The following ARHGEF28 variants were observed in gnomAD, a reference collection of about 807,000 sequenced individuals.
The protein encoded by ARHGEF28 is Rho guanine nucleotide exchange factor 28, also known as 190 kDa guanine nucleotide exchange factor.
In ARHGEF28, 152 loss-of-function variants were observed where a neutral mutation model predicts 206.6. That is an observed-to-expected ratio of 0.74 (90% confidence interval 0.64 to 0.84). The LOEUF (loss-of-function observed/expected upper bound fraction) is 0.84, where lower values mean the gene tolerates loss of function less well. Among genes scored for constraint, ARHGEF28 ranks in the 40% least tolerant of loss-of-function variants. The pLI, the probability that ARHGEF28 is intolerant of heterozygous loss-of-function variation, is 0.00. For synonymous variants in ARHGEF28, 763 were observed against 776.4 expected (o/e 0.98, Z 0.29); for missense variants, 2,028 against 2,073.2 (o/e 0.98, Z 0.42).
intron 2 of ARHGEF28, among the ~76,000 whole-genome samples, chr5:73,724,936 G>A (rs992982699): frequency 6.6e-6 from 1 of 152,054 alleles, no homozygotes; most frequent in African/African-American, 2.4e-5. Context: ...AGGTCGTATG[G>A]TAAGTTTATA....
At chr5:73,760,810 T>G (rs1236728093) in intron 4 of ARHGEF28, among the ~76,000 whole-genome samples, 1 of 152,244 alleles carries the variant, frequency 6.6e-6, no homozygotes, top group Admixed American at 6.5e-5. Context: ...AATTCATTTT[T>G]CAGTTTAAGT....
At chr5:73,748,318 A>G (rs971106892) in intron 2 of ARHGEF28, among the ~76,000 whole-genome samples, 3 of 151,348 alleles carry the variant, frequency 2.0e-5, no homozygotes, top group Non-Finnish European at 4.4e-5. Flanking sequence ...ATGCAGAAAA[A>G]GGGCAATTCA....
At chr5:73,840,177 C>T (rs561770828) in intron 10 of ARHGEF28, among the ~76,000 whole-genome samples, 1 of 152,114 alleles carries the variant, frequency 6.6e-6, no homozygotes, top group Non-Finnish European at 1.5e-5. Flanking sequence ...AGTGCACTGG[C>T]GCAATCGCTA....
chr5:73,796,733 C>T (rs895515488), intron 9 of ARHGEF28, among the ~76,000 whole-genome samples: 3 of 152,086 alleles, frequency 2.0e-5, no homozygotes, highest in African/African-American at 7.2e-5. Context: ...AATATTTTTG[C>T]TATTTAAGGT....
chr5:73,792,640 T>TTC (rs1754548084), intron 7 of ARHGEF28, among the ~76,000 whole-genome samples: 2 of 124,482 alleles, frequency 1.6e-5, no homozygotes, highest in South Asian at 6.0e-4. Flanking sequence ...TATCCTTCCC[T>TTC]TCTTTTTTTT....
At chr5:73,935,466 T>C (rs1764367409) in intron 35 of ARHGEF28, among the ~76,000 whole-genome samples, 1 of 152,210 alleles carries the variant, frequency 6.6e-6, no homozygotes, top group Non-Finnish European at 1.5e-5. Flanking sequence ...ACAAAATTAT[T>C]AGGGACACAG....
At chr5:73,737,493 T>G (rs1410344673) in intron 2 of ARHGEF28, among the ~76,000 whole-genome samples, 1 of 131,744 alleles carries the variant, frequency 7.6e-6, no homozygotes, top group Non-Finnish European at 1.5e-5. Context: ...TTTTCTTTTC[T>G]TTTCTTTTCT....
At chr5:73,647,408 G>A (rs1744500904) in intron 1 of ARHGEF28, among the ~76,000 whole-genome samples, 1 of 152,136 alleles carries the variant, frequency 6.6e-6, no homozygotes, top group Non-Finnish European at 1.5e-5. Context: ...TACTCAATCT[G>A]TGTTAGTCTC....
intron 2 of ARHGEF28, among the ~76,000 whole-genome samples, chr5:73,711,439 G>A (rs1749239609): frequency 6.6e-6 from 1 of 152,060 alleles, no homozygotes; most frequent in Non-Finnish European, 1.5e-5. Context: ...TAAAAATATT[G>A]AGGCTTGTGG....
At chr5:73,920,019 A>G (rs1561195928) in intron 35 of ARHGEF28, among the ~76,000 whole-genome samples, 1 of 152,206 alleles carries the variant, frequency 6.6e-6, no homozygotes, top group Admixed American at 6.5e-5. Flanking sequence ...AACATTTATG[A>G]AATGAATGGA....
Position 73,760,496 on chromosome 5 carries a change from A to T in ARHGEF28, c.475+7294A>T, listed in dbSNP as rs1375678786. ...TCTCTACACCTTTTCTGACATTTCA[A>T]GCTGGTAGTATACTCCTTCTGTTGC... On this transcript the variant is annotated intron_variant, in intron 4 of 35. Coordinates refer to ENST00000513042, the MANE Select transcript of ARHGEF28 (RefSeq NM_001177693.2). Among the ~76,000 whole-genome samples the T allele has an allele frequency of 2.0e-5, 3 of 152,300 alleles. No individual in the cohort carries two copies. The East Asian group carries it at 5.8e-4, about 29-fold the overall frequency.
chr5:73,695,012 GT>G (rs1204505871), intron 2 of ARHGEF28, among the ~76,000 whole-genome samples: 5 of 152,244 alleles, frequency 3.3e-5, no homozygotes, highest in African/African-American at 1.2e-4. Flanking sequence ...TTGTGTGTGT[GT>G]GTCATTAGTC....
At position 73,651,123 on chromosome 5, in the gene ARHGEF28, A is replaced by G. The variant is rs557980803; in HGVS notation, c.-12+24801A>G. Among the ~76,000 whole-genome samples the G allele has an allele frequency of 1.2e-4, 18 of 152,292 alleles. No homozygotes were observed. In the South Asian group the frequency reaches 3.7e-3, roughly 32 times the overall value. On this transcript the variant is annotated intron_variant, in intron 1 of 35. Coordinates refer to ENST00000513042, the MANE Select transcript of ARHGEF28 (RefSeq NM_001177693.2). ...GAGAACTCAGCTCTGACCTGTTTAC[A>G]TATGTGGGGTTTTAACAGTCACTGG...
chr5:73,768,945 G>T (rs767367061), intron 4 of ARHGEF28, among the ~76,000 whole-genome samples: 3 of 151,992 alleles, frequency 2.0e-5, no homozygotes, highest in Non-Finnish European at 4.4e-5. Context: ...TGAGGCTCAC[G>T]AGATCTGATA....
chr5:73,654,548 G>C (rs571692580), intron 1 of ARHGEF28, among the ~76,000 whole-genome samples: 2 of 152,314 alleles, frequency 1.3e-5, no homozygotes, highest in South Asian at 4.1e-4. Flanking sequence ...CAGGAGATTA[G>C]TGTCTGTGTG....
chr5:73,762,493 A>T (rs1289752176), intron 4 of ARHGEF28, among the ~76,000 whole-genome samples: 2 of 151,604 alleles, frequency 1.3e-5, no homozygotes, highest in Non-Finnish European at 2.9e-5. Flanking sequence ...ACAACAACAA[A>T]ATCTATTTTG....
chr5:73,783,574 A>C (rs1327366757), intron 7 of ARHGEF28, among the ~76,000 whole-genome samples: 1 of 152,190 alleles, frequency 6.6e-6, no homozygotes, highest in Non-Finnish European at 1.5e-5. Flanking sequence ...GATGGGGACC[A>C]GCCATGGGGC....
chr5:73,724,470 G>C (rs1025847747), intron 2 of ARHGEF28, among the ~76,000 whole-genome samples: 2 of 152,218 alleles, frequency 1.3e-5, no homozygotes, highest in Admixed American at 1.3e-4. Flanking sequence ...GTACAGTTCT[G>C]ACTGTTGACA....
intron 2 of ARHGEF28, among the ~76,000 whole-genome samples, chr5:73,698,848 C>T (rs1026557632): frequency 6.6e-6 from 1 of 151,554 alleles, no homozygotes. Context: ...AAGGAGAAGG[C>T]GTGGTCTGAG....
Sources: gnomAD v4.1 joint callset for allele counts (sites outside exome capture counted in the v4.1 genomes callset) on GRCh38, gnomAD v4.1.1 for gene constraint, MANE v1.5 for transcripts, NCBI Gene and HGNC (gene_info 2026-07-23, HGNC 2026-07-21) for gene names.